The following JMJD1C variants were observed in gnomAD, a reference collection of about 807,000 sequenced individuals.
The protein encoded by JMJD1C is jumonji domain-containing protein 1C.
JMJD1C carries 31 observed loss-of-function variants against 245.3 expected under a neutral mutation model. The ratio of observed to expected loss-of-function variants is 0.13; its 90% CI spans 0.09 to 0.17. The LOEUF is 0.17. JMJD1C is among the 10% of genes least tolerant of loss of function. JMJD1C has a pLI of 1.00. For synonymous variants in JMJD1C, 1,057 were observed against 1,017.4 expected (o/e 1.04, Z -0.74); for missense variants, 2,691 against 3,000.2 (o/e 0.90, Z 2.41).
chr10:63,387,619 GAA>G (rs1223562618), intron 1 of JMJD1C, among the ~76,000 whole-genome samples: 4 of 90,714 alleles, frequency 4.4e-5, no homozygotes, highest in African/African-American at 1.9e-4. Flanking sequence ...GAAGAAAAAA[GAA>G]AAAAAAAATT....
intron 1 of JMJD1C, among the ~76,000 whole-genome samples, chr10:63,442,258 T>A (rs1674907905): frequency 6.6e-6 from 1 of 152,186 alleles, no homozygotes; most frequent in African/African-American, 2.4e-5. Context: ...CAACAATTTT[T>A]AAACCTGGGT....
intron 2 of JMJD1C, among the ~76,000 whole-genome samples, chr10:63,337,598 GAAAAGAAAAGAAAAGAAAAGAAAAGAAAA>G (rs894728791): frequency 1.2e-4 from 12 of 104,248 alleles, no homozygotes; most frequent in Non-Finnish European, 1.9e-4. Context: ...GAAAAGAAAA[GAAAAGAAAAGAAAAGAAAAGAAAAGAAAA>G]AGAAAAGAAA....
At chr10:63,396,666 T>C (rs1948509572) in intron 1 of JMJD1C, among the ~76,000 whole-genome samples, 2 of 152,174 alleles carry the variant, frequency 1.3e-5, no homozygotes, top group South Asian at 4.1e-4. Flanking sequence ...TGGAATCTTA[T>C]TTACAAGCTC....
At chr10:63,275,141 C>A (rs960214371) in intron 2 of JMJD1C, among the ~76,000 whole-genome samples, 1 of 152,156 alleles carries the variant, frequency 6.6e-6, no homozygotes, top group African/African-American at 2.4e-5. Context: ...GTCTAAGTGA[C>A]TTTGTTTGTC....
In JMJD1C at chr10:63,207,468, A is replaced by G. The variant is rs769777913; in HGVS notation, c.4201T>C (p.Ser1401Pro). The change falls in exon 10 of 26, where the codon TCT (serine) becomes CCT (proline). Residue 1401 changes from serine to proline, a missense_variant. This residue lies in a region of JMJD1C where 1,562 missense variants were observed against 1,490.7 expected (regional missense o/e 1.05). Transcript: ENST00000399262. Reference protein sequence around the residue: ...MCNTKTDVITSAADTTSVSSW... With the variant: ...MCNTKTDVITPAADTTSVSSW... ...GAAACACTGGTAGTATCGGCAGCAG[A>G]TGTGATTACATCCGTTTTGGTATTA... 5.6e-6 allele frequency: 9 copies of G among 1,614,096 alleles called. No homozygotes were observed. In the Admixed American group the frequency reaches 1.5e-4, roughly 27 times the overall value.
At chr10:63,436,838 T>G (rs190445397) in intron 1 of JMJD1C, among the ~76,000 whole-genome samples, 28 of 152,258 alleles carry the variant, frequency 1.8e-4, no homozygotes, top group Admixed American at 1.1e-3. Context: ...ACCCTTATCA[T>G]GGCCCCAAAC....
intron 2 of JMJD1C, among the ~76,000 whole-genome samples, chr10:63,269,416 A>G (rs1237286394): frequency 2.0e-5 from 3 of 152,216 alleles, no homozygotes; most frequent in Non-Finnish European, 4.4e-5. Flanking sequence ...GGCGAGACTG[A>G]AAGCTCAAGT....
chr10:63,243,731 A>G (rs1006651861), intron 3 of JMJD1C, among the ~76,000 whole-genome samples: 1 of 152,194 alleles, frequency 6.6e-6, no homozygotes, highest in Non-Finnish European at 1.5e-5. Context: ...AGAAAACAAA[A>G]AAGAAATACA....
Position 63,214,314 on chromosome 10 carries a change from G to A in JMJD1C, c.1853C>T (p.Pro618Leu), listed in dbSNP as rs1847709266. Reference protein sequence around the residue: ...VMEDKLHKRSPPPETIKSKLN... With the variant: ...VMEDKLHKRSLPPETIKSKLN... ...TTTAGATTTTATAGTCTCTGGAGGT[G>A]GACTTCGCTTATGCAGCTTATCTTC... is the stretch of plus-strand genomic sequence containing the variant. Residue 618 changes from proline to leucine, a missense_variant, in exon 8 of 26, where the codon CCA (proline) becomes CTA (leucine). Pro to Leu is a moderately conservative substitution (Grantham distance 98). Around this residue, in one of 9 missense-constraint regions of JMJD1C, gnomAD observed 1,562 missense variants for 1,490.7 expected, o/e 1.05. Coordinates refer to ENST00000399262, the MANE Select transcript of JMJD1C (RefSeq NM_032776.3). 4.3e-6 allele frequency: 7 copies of A among 1,613,668 alleles called. No individual in the cohort carries two copies. The South Asian group carries it at 5.5e-5, about 13-fold the overall frequency.
chr10:63,446,824 T>C (rs1461555532), intron 1 of JMJD1C, among the ~76,000 whole-genome samples: 1 of 152,190 alleles, frequency 6.6e-6, no homozygotes, highest in Non-Finnish European at 1.5e-5. Context: ...AAAGCCTTTC[T>C]AGAGCAGGTT....
chr10:63,314,468 G>C (rs1192121229), intron 2 of JMJD1C, among the ~76,000 whole-genome samples: 1 of 152,206 alleles, frequency 6.6e-6, no homozygotes, highest in Non-Finnish European at 1.5e-5. Flanking sequence ...ACTGAGGTGG[G>C]AGAATCACCT....
intron 1 of JMJD1C, among the ~76,000 whole-genome samples, chr10:63,393,217 G>A (rs763636534): frequency 7.9e-5 from 12 of 152,090 alleles, no homozygotes; most frequent in African/African-American, 2.9e-4. Flanking sequence ...GAAGTGACCT[G>A]TGATCGCACC....
At chr10:63,313,828 A>G (rs1589451372) in intron 2 of JMJD1C, among the ~76,000 whole-genome samples, 2 of 152,158 alleles carry the variant, frequency 1.3e-5, no homozygotes, top group Admixed American at 6.5e-5. Context: ...TAGATTCTGG[A>G]TATTAGTCCT....
At chr10:63,476,260 TTA>T (rs1335335346) in intron 1 of JMJD1C, among the ~76,000 whole-genome samples, 1 of 147,888 alleles carries the variant, frequency 6.8e-6, no homozygotes, top group South Asian at 2.1e-4. Flanking sequence ...ATATAAATAA[TTA>T]TATATATAAA....
intron 2 of JMJD1C, among the ~76,000 whole-genome samples, chr10:63,271,763 C>T (rs1856329099): frequency 6.6e-6 from 1 of 151,986 alleles, no homozygotes; most frequent in African/African-American, 2.4e-5. Context: ...ATACATAATC[C>T]CTTTAAATCT....
chr10:63,193,593 A>C lies in JMJD1C; in HGVS notation c.5735-121T>G, dbSNP rs1011321405. On this transcript the variant is annotated intron_variant, in intron 14 of 25. Transcript: ENST00000399262. Reference sequence around the variant, plus strand: ...AACGGAGGTTTTCTTGTGCCCTTTAAATTTCTTCCATTTTTCTCCATTCTC... The same window carrying C: ...AACGGAGGTTTTCTTGTGCCCTTTACATTTCTTCCATTTTTCTCCATTCTC... The C allele has an allele frequency of 1.7e-5, 10 of 589,578 alleles. No individual in the cohort carries two copies. In the African/African-American group the frequency reaches 1.9e-4, roughly 11 times the overall value. The allele number at this position is 589,578 out of a possible 1,614,324, so 36.5% of individuals were successfully genotyped here. A position where few individuals can be genotyped will look rare whatever the true frequency, so the allele number is the denominator to read the frequency against.
chr10:63,368,482 G>A (rs922786196), intron 2 of JMJD1C, among the ~76,000 whole-genome samples: 1 of 152,114 alleles, frequency 6.6e-6, no homozygotes, highest in African/African-American at 2.4e-5. Context: ...AGAAATAACT[G>A]AGTAAGGGCC....
At chr10:63,169,485 T>G (rs1842150674) in intron 24 of JMJD1C, among the ~76,000 whole-genome samples, 1 of 151,832 alleles carries the variant, frequency 6.6e-6, no homozygotes, top group African/African-American at 2.4e-5. Context: ...CAAAATAAAT[T>G]TAATTGGGAG....
At chr10:63,516,370 A>T (rs1219453955) in intron 1 of JMJD1C, among the ~76,000 whole-genome samples, 1 of 152,176 alleles carries the variant, frequency 6.6e-6, no homozygotes, top group Non-Finnish European at 1.5e-5. Flanking sequence ...ATCACTCAAG[A>T]CATCAACAGA....
Sources: allele counts gnomAD v4.1 joint callset (sites outside exome capture counted in the v4.1 genomes callset), GRCh38; gene constraint gnomAD v4.1.1; regional missense constraint gnomAD v4.1.1; transcripts MANE v1.5; gene names NCBI Gene and HGNC (gene_info 2026-07-23, HGNC 2026-07-21).